Variants in RAB31 observed in about 807,000 individuals in gnomAD.
RAB31 encodes the protein ras-related protein Rab-31.
RAB31 carries 21 observed loss-of-function variants against 25.6 expected under a neutral mutation model. The observed-to-expected ratio is 0.82, with a 90% CI of 0.58 to 1.18. The LOEUF (loss-of-function observed/expected upper bound fraction) is 1.18, where lower values mean the gene tolerates loss of function less well. RAB31 is among the 50% of genes most tolerant of loss of function. The pLI is 0.00. For synonymous variants in RAB31, 87 were observed against 84.0 expected (o/e 1.04, Z -0.20); for missense variants, 196 against 250.1 (o/e 0.78, Z 1.46).
chr18:9,847,011 G>T (rs1474069099), intron 6 of RAB31, among the ~76,000 whole-genome samples: 2 of 152,046 alleles, frequency 1.3e-5, no homozygotes, highest in Non-Finnish European at 2.9e-5. Flanking sequence ...CAGGCTCCTT[G>T]CCCTGAATGG....
chr18:9,839,951 C>T (rs751065895), intron 5 of RAB31, among the ~76,000 whole-genome samples: 5 of 152,190 alleles, frequency 3.3e-5, no homozygotes, highest in South Asian at 4.1e-4. Context: ...CTCCCCATCC[C>T]GCAGCGGCTC....
chr18:9,754,031 C>G (rs928479782), intron 1 of RAB31, among the ~76,000 whole-genome samples: 11 of 152,134 alleles, frequency 7.2e-5, no homozygotes, highest in Non-Finnish European at 1.6e-4. Flanking sequence ...CATAAGTAGT[C>G]CCACCCAAGA....
rs943693028 is a variant in RAB31 at position 9,826,641 on chromosome 18, C to A, written c.380+11419C>A. ...TGAAAGATTTTCCTATTTTGAACAA[C>A]CCTAAACAAATTCTTCCTCTGCTCA... On this transcript the variant is annotated intron_variant, in intron 5 of 6. Transcript: ENST00000578921. 5.9e-5 allele frequency among the ~76,000 whole-genome samples: 9 copies of A among 152,186 alleles called. No homozygotes were observed. In the South Asian group the frequency reaches 1.7e-3, roughly 28 times the overall value.
rs1461066517 is a variant in RAB31 at position 9,842,701 on chromosome 18, G to A, written c.381-2881G>A. Among the ~76,000 whole-genome samples, 9 of 152,276 alleles carry A rather than the reference G, an allele frequency of 5.9e-5. No homozygotes were observed. In the East Asian group the frequency reaches 1.6e-3, roughly 26 times the overall value. ...GTTTGAAACACTTTGAGCCCCACATGTGTCTGTCAAGATGGAAATAACAGC... is the reference window on the plus strand; with the variant it reads ...GTTTGAAACACTTTGAGCCCCACATATGTCTGTCAAGATGGAAATAACAGC... On this transcript the variant is annotated intron_variant, in intron 5 of 6. Transcript: ENST00000578921.
At chr18:9,781,473 C>T (rs1242808901) in intron 2 of RAB31, among the ~76,000 whole-genome samples, 5 of 152,170 alleles carry the variant, frequency 3.3e-5, no homozygotes, top group Middle Eastern at 3.2e-3. Flanking sequence ...CTCGCCTCCA[C>T]GCCTGGCTGA....
At chr18:9,856,370 C>T (rs1304860396) in intron 6 of RAB31, 1 of 152,126 alleles carries the variant, frequency 6.6e-6, no homozygotes, top group Non-Finnish European at 1.5e-5. Flanking sequence ...GACAGACCTT[C>T]CTGGCATCCT....
At chr18:9,786,188 G>T (rs2068431882) in intron 2 of RAB31, among the ~76,000 whole-genome samples, 1 of 152,124 alleles carries the variant, frequency 6.6e-6, no homozygotes, top group Admixed American at 6.6e-5. Context: ...AAAGAAAAGA[G>T]AATGCCTATG....
rs577537702 is a variant in RAB31, at chr18:9,766,719, CTGAGGTGGGGATCGCT to C, written c.40-8553_40-8538del. Among the ~76,000 whole-genome samples the C allele has an allele frequency of 5.3e-5, 8 of 152,260 alleles. No homozygotes were observed. The East Asian group carries it at 1.2e-3, about 22-fold the overall frequency. ...CCGGTAATCTCAGCACTTTGGGAGG[CTGAGGTGGGGATCGCT>C]TGAGGCCAGGAGTTTGAGACCAGCC... On this transcript the variant is annotated intron_variant, in intron 1 of 6. Coordinates refer to ENST00000578921, the MANE Select transcript of RAB31 (RefSeq NM_006868.4). The surrounding 1 kb of genome is among the most constrained non-coding windows in gnomAD (Gnocchi z 4.3).
intron 1 of RAB31, chr18:9,735,708 C>T (rs1024168415): frequency 3.9e-5 from 6 of 152,424 alleles, no homozygotes; most frequent in African/African-American, 1.4e-4. Context: ...TGCCCATAAT[C>T]CCAGCTACTT....
chr18:9,809,217 G>C (rs975464191), intron 3 of RAB31, among the ~76,000 whole-genome samples: 9 of 152,188 alleles, frequency 5.9e-5, no homozygotes, highest in Admixed American at 5.9e-4. Context: ...CCTCAGCTTT[G>C]TGTCTGACCC....
chr18:9,731,911 C>G lies in RAB31; in HGVS notation c.39+23467C>G, dbSNP rs770482103. Among the ~76,000 whole-genome samples, 4 of 152,274 alleles carry G rather than the reference C, an allele frequency of 2.6e-5. No individual in the cohort carries two copies. The East Asian group carries it at 7.7e-4, about 29-fold the overall frequency. ...TGCCTGGCCTGAATTTGCTTTTTAT[C>G]TATGATAATAAGCTCCTCACCCAAA... On this transcript the variant is annotated intron_variant, in intron 1 of 6. Transcript: ENST00000578921.
At chr18:9,736,962 A>C (rs2068154016) in intron 1 of RAB31, among the ~76,000 whole-genome samples, 1 of 152,198 alleles carries the variant, frequency 6.6e-6, no homozygotes, top group Admixed American at 6.5e-5. Context: ...AATATGTATT[A>C]TCTCTTTCAA....
intron 2 of RAB31, among the ~76,000 whole-genome samples, chr18:9,791,446 A>G (rs2068459374): frequency 8.2e-6 from 1 of 121,306 alleles, no homozygotes; most frequent in Non-Finnish European, 1.6e-5. Flanking sequence ...CACTCAGGCT[A>G]GAGTGCAGTG....
At chr18:9,747,951 C>T (rs74667313) in intron 1 of RAB31, among the ~76,000 whole-genome samples, 1 of 152,068 alleles carries the variant, frequency 6.6e-6, no homozygotes, top group Non-Finnish European at 1.5e-5. Flanking sequence ...TAAATATTCT[C>T]CCCCTGAAAA....
intron 3 of RAB31, among the ~76,000 whole-genome samples, chr18:9,809,669 T>C (rs1257664533): frequency 2.0e-5 from 3 of 152,222 alleles, no homozygotes; most frequent in Non-Finnish European, 2.9e-5. Context: ...GGATATTCCA[T>C]CATATGGCTA....
chr18:9,802,703 A>G (rs1278820645), intron 3 of RAB31, among the ~76,000 whole-genome samples: 2 of 152,200 alleles, frequency 1.3e-5, no homozygotes, highest in East Asian at 3.8e-4. Flanking sequence ...GGTTTGAAAG[A>G]TTAGGTGTTT....
At chr18:9,853,967 T>TC (rs1407547937) in intron 6 of RAB31, among the ~76,000 whole-genome samples, 1 of 150,854 alleles carries the variant, frequency 6.6e-6, no homozygotes, top group Non-Finnish European at 1.5e-5. Flanking sequence ...TCTTTTCTTT[T>TC]TTTTTTTTTT....
intron 1 of RAB31, among the ~76,000 whole-genome samples, chr18:9,765,639 G>A (rs1256870798): frequency 6.6e-6 from 1 of 152,110 alleles, no homozygotes; most frequent in African/African-American, 2.4e-5. Context: ...AGTATTTAGG[G>A]CCCAGAGCAA....
chr18:9,852,660 G>A (rs1319824274), intron 6 of RAB31, among the ~76,000 whole-genome samples: 1 of 151,218 alleles, frequency 6.6e-6, no homozygotes, highest in Non-Finnish European at 1.5e-5. Context: ...TATTCACCTA[G>A]CATTTGGATT....
Sources: allele counts gnomAD v4.1 joint callset (sites outside exome capture counted in the v4.1 genomes callset), GRCh38; gene constraint gnomAD v4.1.1; non-coding constraint Gnocchi (gnomAD v3.1); transcripts MANE v1.5; gene names NCBI Gene and HGNC (gene_info 2026-07-23, HGNC 2026-07-21).